The following PDCD11 variants were observed in gnomAD, a reference collection of about 807,000 sequenced individuals.
PDCD11 encodes programmed cell death 11, also known as protein RRP5 homolog.
Under a neutral mutation model 198.9 loss-of-function variants are expected in PDCD11, and 97 were observed. That is an observed-to-expected ratio of 0.49 (90% CI 0.41 to 0.58). PDCD11 has a LOEUF of 0.58. Among genes scored for constraint, PDCD11 ranks in the 20% least tolerant of loss-of-function variants. The pLI is 0.00. For synonymous variants in PDCD11, 893 were observed against 918.0 expected (o/e 0.97, Z 0.49); for missense variants, 2,102 against 2,312.7 (o/e 0.91, Z 1.87).
At position 103,416,497 on chromosome 10, in the gene PDCD11, C is replaced by A; in HGVS notation, c.1525C>A (p.Leu509Ile). 5.0e-6 allele frequency: 8 copies of A among 1,614,092 alleles called. No homozygotes were observed. In the African/African-American group the frequency reaches 9.3e-5, roughly 19 times the overall value. ...IGDEVKCRVL[L>I]CDPEAKKLMM... The stretch of plus-strand genomic sequence containing the variant: ...GCCTGTGTCCCTCCCCTAGGTTTTG[C>A]TTTGTGACCCTGAAGCCAAGAAGCT... Residue 509 changes from leucine to isoleucine, a missense_variant, in exon 13 of 36, where the codon CTT (leucine) becomes ATT (isoleucine). By Grantham distance (5) the Leu-to-Ile change is conservative. Transcript: ENST00000369797.
Position 103,405,245 on chromosome 10 carries a change from C to A in PDCD11, c.564+62C>A, listed in dbSNP as rs545354354. The A allele has an allele frequency of 3.9e-6, 6 of 1,540,982 alleles. No homozygotes were observed. In the African/African-American group the frequency reaches 8.2e-5, roughly 21 times the overall value. On this transcript the variant is annotated intron_variant, in intron 5 of 35. Coordinates refer to ENST00000369797, the MANE Select transcript of PDCD11 (RefSeq NM_014976.2). Reference sequence around the variant, plus strand: ...TGCCTTCTCTCTGCCTCTGAGGGAGCGTGGTCTAGGCCACCTTTTACTTTC... The same window carrying A: ...TGCCTTCTCTCTGCCTCTGAGGGAGAGTGGTCTAGGCCACCTTTTACTTTC...
rs1592134074 is a variant in PDCD11 at position 103,428,870 on chromosome 10, TAGACAGATGGCCAGACACACTCCC to T, written c.3368+1497_3368+1520del. On this transcript the variant is annotated intron_variant, in intron 21 of 35. Transcript: ENST00000369797. Reference sequence around the variant, plus strand: ...GGAGATGTAGAGTTATAATAACAGATAGACAGATGGCCAGACACACTCCCAGACAGATGGCCAGACATCTTCCAC... The same window carrying T: ...GGAGATGTAGAGTTATAATAACAGATAGACAGATGGCCAGACATCTTCCAC... Among the ~76,000 whole-genome samples the T allele has an allele frequency of 7.9e-5, 12 of 152,218 alleles. No individual in the cohort carries two copies. The South Asian group carries it at 2.5e-3, about 32-fold the overall frequency.
In PDCD11 at chr10:103,416,748, C is replaced by T. The variant is rs184190454; in HGVS notation, c.1770+6C>T. On this transcript the variant is annotated splice_donor_region_variant and intron_variant, in intron 13 of 35. Coordinates refer to ENST00000369797, the MANE Select transcript of PDCD11 (RefSeq NM_014976.2). ...GAGTTTTTTACACTGGCCAGGTAACCCTTCCCCTAGACAGGTCCCCTTTAC... is the reference window on the plus strand; with the variant it reads ...GAGTTTTTTACACTGGCCAGGTAACTCTTCCCCTAGACAGGTCCCCTTTAC... 4.3e-6 allele frequency: 7 copies of T among 1,612,450 alleles called. No individual in the cohort carries two copies. The South Asian group carries it at 6.6e-5, about 15-fold the overall frequency.
At chr10:103,438,574 A>G in intron 26 of PDCD11, 112 bp from the exon 27 acceptor site, 1 of 1,396,878 alleles carries the variant, frequency 7.2e-7, no homozygotes, top group African/African-American at 1.4e-5. Context: ...TATCCTGCTG[A>G]CAGGTCCAGA....
chr10:103,443,618 G>A (rs541998785), intron 33 of PDCD11, among the ~76,000 whole-genome samples: 6 of 152,180 alleles, frequency 3.9e-5, no homozygotes, highest in Admixed American at 6.5e-5. Flanking sequence ...GGGACGTCCC[G>A]GCCCAGCATC....
chr10:103,408,737 A>C (rs1167446655), intron 7 of PDCD11, among the ~76,000 whole-genome samples: 1 of 151,992 alleles, frequency 6.6e-6, no homozygotes, highest in Non-Finnish European at 1.5e-5. Context: ...ACAGGGTTTC[A>C]CTGTGTTGGC....
intron 4 of PDCD11, among the ~76,000 whole-genome samples, chr10:103,404,468 T>A (rs913055560): frequency 6.6e-6 from 1 of 151,878 alleles, no homozygotes; most frequent in African/African-American, 2.4e-5. Flanking sequence ...CCAGCTAATT[T>A]TTGTATTTTT....
At chr10:103,430,723 G>T (rs184089850) in intron 21 of PDCD11, among the ~76,000 whole-genome samples, 3 of 150,686 alleles carry the variant, frequency 2.0e-5, no homozygotes, top group Admixed American at 1.3e-4. Context: ...GATAATTGGT[G>T]ATGTTGAGCA....
Position 103,440,556 on chromosome 10 carries a change from A to G in PDCD11, c.4415A>G (p.Glu1472Gly). The G allele has an allele frequency of 6.2e-7, 1 of 1,611,776 alleles. No individual in the cohort carries two copies. Among genetic ancestry groups the G allele is most frequent in the Non-Finnish European group, 8.5e-7 (1 of 1,179,780 alleles). The change falls in exon 29 of 36, where the codon GAG becomes GGG. Residue 1472 changes from glutamate to glycine, a missense_variant. Physicochemically the swap from Glu to Gly is moderately conservative, Grantham distance 98. Coordinates refer to ENST00000369797, the MANE Select transcript of PDCD11 (RefSeq NM_014976.2). Reference protein sequence around the residue: ...KPQAQKRGGRECRESGSEQER... With the variant: ...KPQAQKRGGRGCRESGSEQER... ...CAGGCGCAGAAGCGGGGCGGGCGGG[A>G]GTGCCGGGAGTCTGGGAGTGAGCAG...
In PDCD11 at chr10:103,432,145, C is replaced by T. The variant is rs867675860; in HGVS notation, c.3385C>T (p.His1129Tyr). 6.2e-7 allele frequency: 1 copy of T among 1,613,392 alleles called. No individual in the cohort carries two copies. The highest frequency in any genetic ancestry group is 1.7e-4 in the Middle Eastern group (1 of 6,060). The change falls in exon 22 of 36, where the codon CAC becomes TAC. Residue 1129 changes from histidine (H) to tyrosine (Y), a missense_variant. His to Tyr is a moderately conservative substitution (Grantham distance 83). Coordinates refer to ENST00000369797, the MANE Select transcript of PDCD11 (RefSeq NM_014976.2). Reference sequence around the variant, plus strand: ...TGCAAACAGTGAGCTGGAGGATGGCCACACTGCTCTTAACACTCACTCTGT... The same window carrying T: ...TGCAAACAGTGAGCTGGAGGATGGCTACACTGCTCTTAACACTCACTCTGT... ...SVRPSELEDG[H>Y]TALNTHSVSP...
intron 19 of PDCD11, among the ~76,000 whole-genome samples, chr10:103,424,451 A>G (rs748260581): frequency 6.6e-6 from 1 of 152,248 alleles, no homozygotes; most frequent in Non-Finnish European, 1.5e-5. Context: ...ACCCTGTACC[A>G]TTTTATCACC....
intron 30 of PDCD11, among the ~76,000 whole-genome samples, chr10:103,441,250 A>C (rs1438339687): frequency 6.6e-6 from 1 of 152,070 alleles, no homozygotes; most frequent in Admixed American, 6.5e-5. Flanking sequence ...TCCCAGCTCT[A>C]CTGTTATTTT....
chr10:103,413,384 G>A, intron 9 of PDCD11, 62 bp downstream of exon 9: 1 of 1,350,026 alleles, frequency 7.4e-7, no homozygotes, highest in South Asian at 1.2e-5. Flanking sequence ...GGAGCACAGG[G>A]GGCCATTTCT....
intron 25 of PDCD11, 140 bp from the exon 26 acceptor site, chr10:103,437,875 A>G: frequency 4.4e-6 from 3 of 677,546 alleles, no homozygotes; most frequent in South Asian, 3.5e-5. Context: ...CAGGTTTTCA[A>G]CAGAATGAAG....
intron 31 of PDCD11, 92 bp downstream of exon 31, chr10:103,442,067 G>A: frequency 6.4e-7 from 1 of 1,564,302 alleles, no homozygotes; most frequent in Non-Finnish European, 8.7e-7. Context: ...CTTCCTGGGT[G>A]AGTGGGGGAG....
In PDCD11 at chr10:103,419,584, A is replaced by G; in HGVS notation, c.2153A>G (p.Gln718Arg). The G allele has an allele frequency of 6.2e-7, 1 of 1,614,172 alleles. No individual in the cohort carries two copies. Among genetic ancestry groups the G allele is most frequent in the Non-Finnish European group, 8.5e-7 (1 of 1,180,022 alleles). ...TTGGTCTCCACAGTAGAAGGTGGCC[A>G]GGATCCCAAGAACTTCTCAGAAATC... ...PALVSTVEGG[Q>R]DPKNFSEIHP... The change falls in exon 16 of 36, where the codon CAG becomes CGG. Residue 718 changes from glutamine (Q) to arginine (R), a missense_variant. Transcript: ENST00000369797.
intron 3 of PDCD11, among the ~76,000 whole-genome samples, chr10:103,401,932 C>T (rs754432257): frequency 1.8e-4 from 27 of 152,024 alleles, no homozygotes; most frequent in Non-Finnish European, 3.4e-4. Flanking sequence ...TTGGTAGAGA[C>T]GGGGCTTTAC....
chr10:103,422,952 T>C, intron 17 of PDCD11, 36 bp from the exon 18 acceptor site: 1 of 1,421,152 alleles, frequency 7.0e-7, no homozygotes, highest in East Asian at 2.6e-5. Flanking sequence ...AGTTCTTTCA[T>C]GGTACTAATC....
At chr10:103,419,465 T>C in intron 15 of PDCD11, 73 bp from the exon 16 acceptor site, 1 of 1,493,214 alleles carries the variant, frequency 6.7e-7, no homozygotes, top group Non-Finnish European at 9.1e-7. Flanking sequence ...TCCTTCTCTG[T>C]GGAGAAAGGA....
Sources: gnomAD v4.1 joint callset for allele counts (sites outside exome capture counted in the v4.1 genomes callset) on GRCh38, gnomAD v4.1.1 for gene constraint, MANE v1.5 for transcripts, NCBI Gene and HGNC (gene_info 2026-07-23, HGNC 2026-07-21) for gene names.